The following GRM5 variants were observed in gnomAD, a reference collection of about 807,000 sequenced individuals.
GRM5 encodes glutamate metabotropic receptor 5.
In GRM5, 19 loss-of-function variants were observed where a neutral mutation model predicts 83.1. That is an observed-to-expected ratio of 0.23 (90% CI 0.16 to 0.34). The LOEUF is 0.34. Ranked by LOEUF, GRM5 falls within the 10% of genes least tolerant of loss-of-function variation. The pLI is 1.00. For missense variants in GRM5, 1,160 were observed against 1,588.3 expected (o/e 0.73, Z 4.58); for synonymous variants, 675 against 633.6 (o/e 1.07, Z -0.98).
At chr11:89,037,437 C>A (rs1282149746) in intron 2 of GRM5, among the ~76,000 whole-genome samples, 1 of 151,612 alleles carries the variant, frequency 6.6e-6, no homozygotes, top group Non-Finnish European at 1.5e-5. Context: ...TATAATTGTT[C>A]AATGAGTAAC....
intron 2 of GRM5, among the ~76,000 whole-genome samples, chr11:89,002,899 G>A (rs1163649096): frequency 1.3e-5 from 2 of 151,914 alleles, no homozygotes; most frequent in Non-Finnish European, 2.9e-5. Context: ...CTCACCCAGA[G>A]AACCTTATCT....
At chr11:89,017,827 G>C (rs1940896473) in intron 2 of GRM5, among the ~76,000 whole-genome samples, 1 of 152,082 alleles carries the variant, frequency 6.6e-6, no homozygotes, top group Non-Finnish European at 1.5e-5. Flanking sequence ...CAGAATGTTT[G>C]GTTTTCAGTT....
At chr11:88,767,061 G>A (rs1942637474) in intron 3 of GRM5, among the ~76,000 whole-genome samples, 1 of 151,912 alleles carries the variant, frequency 6.6e-6, no homozygotes, top group Admixed American at 6.6e-5. Flanking sequence ...TACAGCTGGA[G>A]TGCAGTGTCA....
At position 88,522,464 on chromosome 11, in the gene GRM5, T is replaced by C. The variant is rs553087149; in HGVS notation, c.2726+2845A>G. 1.3e-4 allele frequency among the ~76,000 whole-genome samples: 20 copies of C among 152,184 alleles called. No individual in the cohort carries two copies. The South Asian group carries it at 2.1e-3, about 16-fold the overall frequency. ...TGTATTTATGTGAACAAATGTGAAG[T>C]TGGAAAAAAAGATACCAAGACCTTG... On this transcript the variant is annotated intron_variant, in intron 9 of 9. Coordinates refer to ENST00000305447, the MANE Select transcript of GRM5 (RefSeq NM_001143831.3).
intron 7 of GRM5, among the ~76,000 whole-genome samples, chr11:88,570,933 A>C (rs1942986701): frequency 6.6e-6 from 1 of 152,038 alleles, no homozygotes; most frequent in Non-Finnish European, 1.5e-5. Context: ...AATTTATTAA[A>C]TATATAGAGG....
intron 3 of GRM5, among the ~76,000 whole-genome samples, chr11:88,755,454 G>A (rs1942377158): frequency 6.6e-6 from 1 of 152,060 alleles, no homozygotes; most frequent in Non-Finnish European, 1.5e-5. Flanking sequence ...GGAAAAAATT[G>A]AATTTCTTTA....
At chr11:88,771,445 T>C (rs983042540) in intron 3 of GRM5, among the ~76,000 whole-genome samples, 2 of 151,624 alleles carry the variant, frequency 1.3e-5, no homozygotes, top group African/African-American at 4.8e-5. Context: ...AGTGCAGGAG[T>C]CCAAAGGCTG....
At chr11:88,908,637 T>A (rs1488613277) in intron 2 of GRM5, among the ~76,000 whole-genome samples, 1 of 152,184 alleles carries the variant, frequency 6.6e-6, no homozygotes, top group African/African-American at 2.4e-5. Context: ...CTATTATACC[T>A]TATTTTAACA....
intron 2 of GRM5, among the ~76,000 whole-genome samples, chr11:88,918,439 A>T (rs888009615): frequency 6.6e-6 from 1 of 151,842 alleles, no homozygotes; most frequent in African/African-American, 2.4e-5. Context: ...AATAATAATA[A>T]ATAAATTAAT....
At chr11:88,558,361 G>A (rs954737512) in intron 8 of GRM5, among the ~76,000 whole-genome samples, 2 of 152,144 alleles carry the variant, frequency 1.3e-5, no homozygotes, top group Admixed American at 6.6e-5. Flanking sequence ...GCTTTTGGGA[G>A]CTGTCATTCC....
chr11:88,964,805 G>T (rs515570), intron 2 of GRM5, among the ~76,000 whole-genome samples: 6,385 of 151,760 alleles, frequency 0.042, 441 homozygotes, highest in African/African-American at 0.15. Flanking sequence ...CTCAGCAATA[G>T]ACTTGGCCTA....
chr11:89,052,619 A>G (rs889948845), intron 1 of GRM5, among the ~76,000 whole-genome samples: 1 of 152,092 alleles, frequency 6.6e-6, no homozygotes, highest in African/African-American at 2.4e-5. Context: ...CCTTATAACA[A>G]CTCTAAAATG....
chr11:88,615,335 T>C (rs896706820), intron 4 of GRM5, among the ~76,000 whole-genome samples: 1 of 152,180 alleles, frequency 6.6e-6, no homozygotes, highest in Non-Finnish European at 1.5e-5. Flanking sequence ...AGTTTAACTT[T>C]TGTAATTTCT....
chr11:88,841,764 A>G (rs976651302), intron 3 of GRM5, among the ~76,000 whole-genome samples: 1 of 152,160 alleles, frequency 6.6e-6, no homozygotes, highest in African/African-American at 2.4e-5. Context: ...CAGCATCACT[A>G]CTGACACTTT....
At position 88,743,583 on chromosome 11, in the gene GRM5, G is replaced by A. The variant is rs549007455; in HGVS notation, c.912-90180C>T. On this transcript the variant is annotated intron_variant, in intron 3 of 9. Transcript: ENST00000305447. Reference sequence around the variant, plus strand: ...TAGAAGGCATTGTATCTTTTCTTCTGTGGACTCTCACAGGCTGAATGGGCT... The same window carrying A: ...TAGAAGGCATTGTATCTTTTCTTCTATGGACTCTCACAGGCTGAATGGGCT... Among the ~76,000 whole-genome samples, 8 of 152,200 alleles carry A rather than the reference G, an allele frequency of 5.3e-5. No individual in the cohort carries two copies. The East Asian group carries it at 9.7e-4, about 18-fold the overall frequency.
intron 4 of GRM5, among the ~76,000 whole-genome samples, chr11:88,614,374 T>A (rs1056030202): frequency 6.6e-6 from 1 of 152,156 alleles, no homozygotes; most frequent in Non-Finnish European, 1.5e-5. Context: ...TCCTAAGTAG[T>A]AACTGTGTCA....
At chr11:88,766,543 C>G (rs1274417817) in intron 3 of GRM5, among the ~76,000 whole-genome samples, 1 of 151,902 alleles carries the variant, frequency 6.6e-6, no homozygotes, top group Non-Finnish European at 1.5e-5. Flanking sequence ...ACACCACACA[C>G]AAAAATCAAA....
chr11:89,028,338 T>C lies in GRM5; in HGVS notation c.661+18874A>G, dbSNP rs551459256. Among the ~76,000 whole-genome samples, 61 of 152,294 alleles carry C rather than the reference T, an allele frequency of 4.0e-4. 1 individual carries two copies. Among genetic ancestry groups the C allele is most frequent in the African/African-American group, 1.2e-3 (49 of 41,560 alleles). The stretch of plus-strand genomic sequence containing the variant: ...TGGCTCCTGCCTGTAATGCCAACAC[T>C]TTGGGAGGCCAAGGTAGGAGGATCA... On this transcript the variant is annotated intron_variant, in intron 2 of 9. Coordinates refer to ENST00000305447, the MANE Select transcript of GRM5 (RefSeq NM_001143831.3).
chr11:88,967,430 C>T (rs201108226), intron 2 of GRM5, among the ~76,000 whole-genome samples: 4 of 151,752 alleles, frequency 2.6e-5, no homozygotes, highest in African/African-American at 9.7e-5. Flanking sequence ...ATTTCTTATA[C>T]TTTGGCACCT....
Sources: allele counts gnomAD v4.1 joint callset (sites outside exome capture counted in the v4.1 genomes callset), GRCh38; gene constraint gnomAD v4.1.1; transcripts MANE v1.5; gene names NCBI Gene and HGNC (gene_info 2026-07-23, HGNC 2026-07-21).